Variants in COX7A2 observed in about 807,000 individuals in gnomAD.
COX7A2 encodes cytochrome c oxidase subunit 7A2, also known as cytochrome c oxidase subunit 7A2, mitochondrial.
A neutral mutation model predicts 11.6 loss-of-function variants in COX7A2; 11 were observed. That is an observed-to-expected ratio of 0.95 (90% CI 0.60 to 1.57). The LOEUF (loss-of-function observed/expected upper bound fraction) is 1.57. Ranked by LOEUF, COX7A2 falls within the 40% of genes most tolerant of loss-of-function variation. The pLI is 0.00. For synonymous variants in COX7A2, 30 were observed against 38.2 expected (o/e 0.78, Z 0.79); for missense variants, 106 against 100.9 (o/e 1.05, Z -0.22).
chr6:75,239,908 C>T (rs1236940948), intron 3 of COX7A2, among the ~76,000 whole-genome samples: 1 of 152,142 alleles, frequency 6.6e-6, no homozygotes, highest in Admixed American at 6.5e-5. Context: ...TCAAGACCAG[C>T]CTGACCAACA....
At chr6:75,250,017 T>G (rs958075410) in intron 1 of COX7A2, 1 of 128,634 alleles carries the variant, frequency 7.8e-6, no homozygotes, top group African/African-American at 2.8e-5. Flanking sequence ...AGTGATTAGG[T>G]TGGGCAGCTG....
chr6:75,248,674 A>G (rs1270854225), upstream of COX7A2, among the ~76,000 whole-genome samples: 2 of 151,308 alleles, frequency 1.3e-5, no homozygotes, highest in Non-Finnish European at 2.9e-5. Flanking sequence ...GCTCAGAATA[A>G]ATCTCTTAAA....
intron 1 of COX7A2, among the ~76,000 whole-genome samples, chr6:75,242,124 C>A (rs550979624): frequency 4.6e-5 from 7 of 151,002 alleles, no homozygotes; most frequent in Admixed American, 2.0e-4. Flanking sequence ...CGCTTGAACC[C>A]GGGAGGCAGA....
Position 75,243,743 on chromosome 6 carries a change from T to C in COX7A2, c.-9A>G, listed in dbSNP as rs369194763. Reference sequence around the variant, plus strand: ...AGCAGATTCCGCAGCATCTTGGCTGTTACTGACCAGCAACCGCCACAACTG... The same window carrying C: ...AGCAGATTCCGCAGCATCTTGGCTGCTACTGACCAGCAACCGCCACAACTG... On this transcript the variant is annotated 5_prime_UTR_variant, in exon 1 of 4. Coordinates refer to ENST00000684430, the MANE Select transcript of COX7A2 (RefSeq NM_001366293.2). 1.9e-6 allele frequency: 3 copies of C among 1,613,816 alleles called. No homozygotes were observed. Among genetic ancestry groups the C allele is most frequent in the African/African-American group, 2.7e-5 (2 of 74,910 alleles).
Position 75,237,988 on chromosome 6 carries a change from C to T in COX7A2, c.194G>A (p.Gly65Glu). 1 of 1,517,902 alleles carries T rather than the reference C, an allele frequency of 6.6e-7. No homozygotes were observed. The highest frequency in any genetic ancestry group is 2.0e-5 in the Admixed American group (1 of 50,430). The allele number at this position is 1,517,902 out of a possible 1,614,324, so 94.0% of individuals were successfully genotyped here. A position where few individuals can be genotyped will look rare whatever the true frequency, so the allele number is the denominator to read the frequency against. Residue 65 changes from glycine (G) to glutamate (E), a missense_variant and splice_region_variant, in exon 4 of 4, where the codon GGA becomes GAA. Transcript: ENST00000684430. Reference sequence around the variant, plus strand: ...CAGCTCATATATGGCATATGCTGTTCCTAAAAATAAAAAACAAAAAAGAAC... The same window carrying T: ...CAGCTCATATATGGCATATGCTGTTTCTAAAAATAAAAAACAAAAAAGAAC... ...YRATMILTVG[G>E]TAYAIYELAV...
chr6:75,240,501 T>A lies in COX7A2; in HGVS notation c.109-116A>T, dbSNP rs974139728. The A allele has an allele frequency of 6.4e-6, 4 of 628,318 alleles. No homozygotes were observed. The Admixed American group carries it at 1.5e-4, about 23-fold the overall frequency. 38.9% of individuals were successfully genotyped at this position (628,318 alleles called of 1,614,324 possible). A position where few individuals can be genotyped will look rare whatever the true frequency, so the allele number is the denominator to read the frequency against. ...GCTCCTTAAATCCCTAGAATTAAAG[T>A]ATTTTAAGTATTAAAATTTAAAAGA... On this transcript the variant is annotated intron_variant, in intron 2 of 3. Transcript: ENST00000684430.
upstream of COX7A2, among the ~76,000 whole-genome samples, chr6:75,246,385 T>C (rs1771682594): frequency 6.6e-6 from 1 of 152,224 alleles, no homozygotes; most frequent in African/African-American, 2.4e-5. Context: ...CTTCAAAATA[T>C]AATCTGAATT....
upstream of COX7A2, among the ~76,000 whole-genome samples, chr6:75,245,286 TC>T (rs1771655853): frequency 6.6e-6 from 1 of 152,096 alleles, no homozygotes; most frequent in South Asian, 2.1e-4. Flanking sequence ...GGTCAGGAGA[TC>T]CAGACCATCT....
At chr6:75,245,258 G>A (rs563395550), upstream of COX7A2, among the ~76,000 whole-genome samples, 38 of 152,290 alleles carry the variant, frequency 2.5e-4, no homozygotes, top group African/African-American at 7.0e-4. Context: ...TTGGGAGGCC[G>A]AGGCGGGCGG....
At chr6:75,241,088 A>G in intron 2 of COX7A2, 88 bp downstream of exon 2, 1 of 1,484,560 alleles carries the variant, frequency 6.7e-7, no homozygotes, top group Non-Finnish European at 9.2e-7. Flanking sequence ...CATATGATCT[A>G]ATTTATACAC....
At chr6:75,242,956 T>C (rs1331083627) in intron 1 of COX7A2, among the ~76,000 whole-genome samples, 3 of 152,236 alleles carry the variant, frequency 2.0e-5, no homozygotes, top group Admixed American at 1.3e-4. Context: ...ACATTTTTCC[T>C]AAAAAATTTT....
intron 2 of COX7A2, 114 bp downstream of exon 2, chr6:75,241,061 TG>T: frequency 7.4e-7 from 1 of 1,348,532 alleles, no homozygotes; most frequent in Non-Finnish European, 1.0e-6. Context: ...TGACTTTTTT[TG>T]TAATGTTTAT....
chr6:75,242,568 T>A (rs1771541195), intron 1 of COX7A2, among the ~76,000 whole-genome samples: 1 of 148,926 alleles, frequency 6.7e-6, no homozygotes, highest in South Asian at 2.1e-4. Flanking sequence ...ATGCCAGTAA[T>A]CCCAGCGCTT....
At position 75,243,708 on chromosome 6, in the gene COX7A2, G is replaced by C. The variant is rs373173596; in HGVS notation, c.18+9C>G. ...CCCCATCATGAATGCAAGATGAGAA[G>C]CTCCTCACCAGCAGATTCCGCAGCA... On this transcript the variant is annotated intron_variant, in intron 1 of 3. Transcript: ENST00000684430. The C allele has an allele frequency of 2.5e-6, 4 of 1,612,362 alleles. No homozygotes were observed. In the African/African-American group the frequency reaches 4.0e-5, roughly 16 times the overall value.
chr6:75,237,899 C>G lies in COX7A2; in HGVS notation c.*31G>C. Reference sequence around the variant, plus strand: ...CTGGTCCATAGAGAGCTGAATGAAACTGAACCAAGCGATTGCTGGGATGAC... The same window carrying G: ...CTGGTCCATAGAGAGCTGAATGAAAGTGAACCAAGCGATTGCTGGGATGAC... On this transcript the variant is annotated 3_prime_UTR_variant, in exon 4 of 4. Transcript: ENST00000684430. The G allele has an allele frequency of 1.9e-6, 3 of 1,589,350 alleles. No homozygotes were observed. Among genetic ancestry groups the G allele is most frequent in the South Asian group, 2.2e-5 (2 of 89,796 alleles).
intron 1 of COX7A2, among the ~76,000 whole-genome samples, chr6:75,249,050 G>A (rs1771740274): frequency 6.6e-6 from 1 of 152,192 alleles, no homozygotes. Context: ...GAGGTCAAGA[G>A]ATCGAGACCA....
intron 3 of COX7A2, among the ~76,000 whole-genome samples, chr6:75,239,358 C>T (rs997532870): frequency 3.9e-5 from 6 of 152,202 alleles, no homozygotes; most frequent in African/African-American, 1.4e-4. Flanking sequence ...AACCCCCACA[C>T]ATTTGGCAAC....
At chr6:75,238,320 A>C (rs2149508538) in intron 3 of COX7A2, among the ~76,000 whole-genome samples, 1 of 152,024 alleles carries the variant, frequency 6.6e-6, no homozygotes, top group East Asian at 1.9e-4. Flanking sequence ...ATGCCAAAGA[A>C]AAAAAGAGTT....
At chr6:75,246,813 T>C (rs1393019671), upstream of COX7A2, among the ~76,000 whole-genome samples, 1 of 152,202 alleles carries the variant, frequency 6.6e-6, no homozygotes, top group Non-Finnish European at 1.5e-5. Flanking sequence ...TATCCTGACA[T>C]ACAAATGACT....
Sources: allele counts gnomAD v4.1 joint callset (sites outside exome capture counted in the v4.1 genomes callset), GRCh38; gene constraint gnomAD v4.1.1; transcripts MANE v1.5; gene names NCBI Gene and HGNC (gene_info 2026-07-23, HGNC 2026-07-21).